Variants in N4BP1 observed in about 807,000 individuals in gnomAD.
N4BP1 encodes NEDD4-binding protein 1.
Under a neutral mutation model 70.9 loss-of-function variants are expected in N4BP1, and 21 were observed. The ratio of observed to expected loss-of-function variants is 0.30; its 90% CI spans 0.21 to 0.43. The LOEUF (loss-of-function observed/expected upper bound fraction) is 0.43. Ranked by LOEUF, N4BP1 falls within the 20% of genes least tolerant of loss-of-function variation. The pLI is 1.00. For missense variants in N4BP1, 936 were observed against 1,069.4 expected, an observed-to-expected ratio of 0.88 and a Z score of 1.74; for synonymous variants, 387 against 394.6, an observed-to-expected ratio of 0.98 and a Z score of 0.23.
chr16:48,590,486 G>A lies in N4BP1; in HGVS notation c.198+19289C>T, dbSNP rs555488976. 1.8e-4 allele frequency among the ~76,000 whole-genome samples: 27 copies of A among 152,292 alleles called. No homozygotes were observed. In the South Asian group the frequency reaches 5.6e-3, roughly 32 times the overall value. On this transcript the variant is annotated intron_variant, in intron 1 of 6. Coordinates refer to ENST00000262384, the MANE Select transcript of N4BP1 (RefSeq NM_153029.4). ...GAGGGCAAGGTGAACCTGTTGGTTG[G>A]TTACAAATTTGGAGGCTTGTCCAGG...
intron 6 of N4BP1, among the ~76,000 whole-genome samples, chr16:48,545,486 G>A (rs1208165003): frequency 6.6e-6 from 1 of 151,416 alleles, no homozygotes; most frequent in Non-Finnish European, 1.5e-5. Flanking sequence ...GCTGAGGCAG[G>A]AGAATTACTT....
At chr16:48,580,811 C>T (rs936665180) in intron 1 of N4BP1, among the ~76,000 whole-genome samples, 24 of 151,874 alleles carry the variant, frequency 1.6e-4, no homozygotes, top group Non-Finnish European at 7.4e-5. Context: ...GTCATTATTC[C>T]CTAAAGAATA....
chr16:48,598,687 G>A (rs529562664), intron 1 of N4BP1, among the ~76,000 whole-genome samples: 1 of 152,266 alleles, frequency 6.6e-6, no homozygotes, highest in South Asian at 2.1e-4. Flanking sequence ...AAATTGCCTA[G>A]GGAGATTAAT....
rs888210564 is a variant in N4BP1, at chr16:48,609,788, A to G, written c.185T>C (p.Val62Ala). Reference sequence around the variant, plus strand: ...GGCCGGACTCACCTTGGCGCTGTGCACCGCCTCCTGCGCCCCGCAGAGCTG... The same window carrying G: ...GGCCGGACTCACCTTGGCGCTGTGCGCCGCCTCCTGCGCCCCGCAGAGCTG... ...WLQLCGAQEA[V>A]HSAKEYIKGI... Residue 62 changes from valine to alanine, a missense_variant, in exon 1 of 7, where the codon GTG becomes GCG. By Grantham distance (64) the Val-to-Ala change is moderately conservative. This residue lies in a region of N4BP1 where 187 missense variants were observed against 217.1 expected (regional missense o/e 0.86). Coordinates refer to ENST00000262384, the MANE Select transcript of N4BP1 (RefSeq NM_153029.4). 3 of 1,459,732 alleles carry G rather than the reference A, an allele frequency of 2.1e-6. No individual in the cohort carries two copies. The highest frequency in any genetic ancestry group is 2.7e-6 in the Non-Finnish European group (3 of 1,108,962). 90.4% of individuals were successfully genotyped at this position (1,459,732 alleles called of 1,614,324 possible). A position where few individuals can be genotyped will look rare whatever the true frequency, so the allele number is the denominator to read the frequency against.
rs758395295 is a variant in N4BP1, at chr16:48,542,258, C to G, written c.*646G>C. ...GGAGGGTGGGACTCCATGGGCTCCA[C>G]GATGTCTTCTAGCCCTGGTATTCTG... On this transcript the variant is annotated 3_prime_UTR_variant, in exon 7 of 7. Transcript: ENST00000262384. 14 of 152,406 alleles carry G rather than the reference C, an allele frequency of 9.2e-5. No individual in the cohort carries two copies. The highest frequency in any genetic ancestry group is 3.4e-4 in the African/African-American group (14 of 41,472). The allele number at this position is 152,406 out of a possible 1,614,324, so 9.4% of individuals were successfully genotyped here.
chr16:48,598,584 T>G (rs1382353138), intron 1 of N4BP1, among the ~76,000 whole-genome samples: 1 of 152,158 alleles, frequency 6.6e-6, no homozygotes, highest in Non-Finnish European at 1.5e-5. Flanking sequence ...AAATAAGGTA[T>G]GTCTAAGGGA....
chr16:48,547,478 T>C (rs1339967868), intron 5 of N4BP1, among the ~76,000 whole-genome samples: 2 of 152,244 alleles, frequency 1.3e-5, no homozygotes, highest in Non-Finnish European at 2.9e-5. Context: ...TTTTGGATGA[T>C]ATCTAAAGAT....
chr16:48,594,011 A>AC (rs1567444054), intron 1 of N4BP1, among the ~76,000 whole-genome samples: 1 of 150,794 alleles, frequency 6.6e-6, no homozygotes, highest in African/African-American at 2.4e-5. Context: ...CAAAAAAAAA[A>AC]AAAAAAACAA....
chr16:48,588,218 G>C (rs1422942126), intron 1 of N4BP1, among the ~76,000 whole-genome samples: 1 of 150,254 alleles, frequency 6.7e-6, no homozygotes, highest in Non-Finnish European at 1.5e-5. Context: ...GGGACGCAAT[G>C]AACAAAAATT....
chr16:48,557,304 A>C (rs1263835356), intron 2 of N4BP1, among the ~76,000 whole-genome samples: 3 of 152,170 alleles, frequency 2.0e-5, no homozygotes, highest in Non-Finnish European at 4.4e-5. Context: ...CCCAAGACTT[A>C]AGTATCCAAT....
chr16:48,551,407 C>A lies in N4BP1; in HGVS notation c.2096G>T (p.Arg699Ile). 6.2e-7 allele frequency: 1 copy of A among 1,613,420 alleles called. No homozygotes were observed. Among genetic ancestry groups the A allele is most frequent in the Non-Finnish European group, 8.5e-7 (1 of 1,179,522 alleles). The change falls in exon 4 of 7, where the codon AGA becomes ATA. Residue 699 changes from arginine (R) to isoleucine (I), a missense_variant. Around this residue, in one of 4 missense-constraint regions of N4BP1, gnomAD observed 229 missense variants for 343.5 expected, o/e 0.67. Transcript: ENST00000262384. ...LTPARMVFGE[R>I]IASHDDRFLL... ...ATACCTGTCATCATGAGAAGCAATT[C>A]TTTCTCCAAAGACCATCCGGGCAGG... is the stretch of plus-strand genomic sequence containing the variant.
Position 48,541,196 on chromosome 16 carries a change from T to C in N4BP1, c.*1708A>G, listed in dbSNP as rs1963493259. 1 of 152,276 alleles carries C rather than the reference T, an allele frequency of 6.6e-6. No homozygotes were observed. Among genetic ancestry groups the C allele is most frequent in the South Asian group, 2.1e-4 (1 of 4,832 alleles). The allele number at this position is 152,276 out of a possible 1,614,324, so 9.4% of individuals were successfully genotyped here. A position where few individuals can be genotyped will look rare whatever the true frequency, so the allele number is the denominator to read the frequency against. On this transcript the variant is annotated 3_prime_UTR_variant, in exon 7 of 7. Transcript: ENST00000262384. ...TCAGCCAGGCTGCTGGACTGAACCA[T>C]GAGCCAGAAGGCCAGAATCACTGCA...
intron 1 of N4BP1, among the ~76,000 whole-genome samples, chr16:48,568,605 A>G (rs1009292950): frequency 6.6e-6 from 1 of 152,210 alleles, no homozygotes; most frequent in African/African-American, 2.4e-5. Context: ...TTCTTGAAGG[A>G]TAATTTCACT....
intron 1 of N4BP1, chr16:48,600,594 TG>T: frequency 1.8e-6 from 1 of 560,318 alleles, no homozygotes. Context: ...GGGAAGCAGT[TG>T]GAAGAGAAAA....
intron 1 of N4BP1, among the ~76,000 whole-genome samples, chr16:48,598,859 G>A (rs1303590262): frequency 6.6e-6 from 1 of 152,006 alleles, no homozygotes; most frequent in East Asian, 1.9e-4. Context: ...AGAAAGCCCC[G>A]ACTAGGGCTA....
intron 1 of N4BP1, 88 bp from the exon 2 acceptor site, chr16:48,562,532 C>T (rs528282997): frequency 7.7e-6 from 8 of 1,032,904 alleles, no homozygotes; most frequent in East Asian, 2.7e-5. Context: ...AATGTCAGGC[C>T]GATTTTATAA....
At chr16:48,562,623 A>C (rs1385218948) in intron 1 of N4BP1, among the ~76,000 whole-genome samples, 179 bp from the exon 2 acceptor site, 1 of 152,240 alleles carries the variant, frequency 6.6e-6, no homozygotes, top group Non-Finnish European at 1.5e-5. Context: ...TAACTTGCTT[A>C]AACCATCTTT....
At chr16:48,608,696 T>C (rs1964624812) in intron 1 of N4BP1, among the ~76,000 whole-genome samples, 1 of 149,912 alleles carries the variant, frequency 6.7e-6, no homozygotes, top group Admixed American at 6.7e-5. Flanking sequence ...AGGTCTGAAA[T>C]GCTGATTTAG....
rs759102343 is a variant in N4BP1 at position 48,609,758 on chromosome 16, G to A, written c.198+17C>T. ...CGATCGAGGCCGCGGGCGCGCGGGG[G>A]CGGCGGCCGGACTCACCTTGGCGCT... On this transcript the variant is annotated intron_variant, in intron 1 of 6. Coordinates refer to ENST00000262384, the MANE Select transcript of N4BP1 (RefSeq NM_153029.4). 5.5e-4 allele frequency: 737 copies of A among 1,336,046 alleles called. No individual in the cohort carries two copies. The highest frequency in any genetic ancestry group is 8.3e-4 in the Middle Eastern group (3 of 3,602). 82.8% of individuals were successfully genotyped at this position (1,336,046 alleles called of 1,614,324 possible).
Sources: allele counts gnomAD v4.1 joint callset (sites outside exome capture counted in the v4.1 genomes callset), GRCh38; gene constraint gnomAD v4.1.1; regional missense constraint gnomAD v4.1.1; transcripts MANE v1.5; gene names NCBI Gene and HGNC (gene_info 2026-07-23, HGNC 2026-07-21).